Variants in DLX5 observed in about 807,000 individuals in gnomAD.
DLX5 encodes distal-less homeobox 5.
In DLX5, 8 loss-of-function variants were observed where a neutral mutation model predicts 27.1. The ratio of observed to expected loss-of-function variants is 0.30; its 90% CI spans 0.17 to 0.53. DLX5 has a LOEUF of 0.53. DLX5 is among the 20% of genes least tolerant of loss of function. The pLI is 0.95. For synonymous variants in DLX5, 178 were observed against 161.9 expected (o/e 1.10, Z -0.75); for missense variants, 339 against 375.1 (o/e 0.90, Z 0.80).
intron 1 of DLX5, among the ~76,000 whole-genome samples, chr7:97,023,851 G>A (rs959294388): frequency 6.7e-6 from 1 of 149,780 alleles, no homozygotes; most frequent in African/African-American, 2.5e-5. Flanking sequence ...GAGTTTTTGA[G>A]GCAGCCTTCT....
chr7:97,021,653 A>G (rs1445770457), intron 2 of DLX5, among the ~76,000 whole-genome samples: 1 of 152,146 alleles, frequency 6.6e-6, no homozygotes, highest in African/African-American at 2.4e-5. Context: ...GGGACAATCC[A>G]GGAAGACTTC....
rs1159460574 is a variant in DLX5 at position 97,020,810 on chromosome 7, A to G, written c.796T>C (p.Ser266Pro). 5.0e-6 allele frequency: 8 copies of G among 1,612,960 alleles called. No individual in the cohort carries two copies. The highest frequency in any genetic ancestry group is 5.9e-6 in the Non-Finnish European group (7 of 1,179,204). The change falls in exon 3 of 3, where the codon TCA (serine) becomes CCA (proline). Residue 266 changes from serine (S) to proline (P), a missense_variant. This residue lies in a region of DLX5 where 136 missense variants were observed against 130.3 expected (regional missense o/e 1.04). Transcript: ENST00000648378. The stretch of plus-strand genomic sequence containing the variant: ...GGCGGCGGCAGGTGGGAATTGATTG[A>G]GCTGGCTGCACTTGTGTACCAGGAT... ...SASWYTSAAS[S>P]INSHLPPPGS... is the part of the protein sequence containing the mutation.
chr7:97,024,710 A>C lies in DLX5; in HGVS notation c.-87T>G. 1.7e-6 allele frequency: 2 copies of C among 1,176,228 alleles called. No individual in the cohort carries two copies. The highest frequency in any genetic ancestry group is 3.1e-5 in the African/African-American group (2 of 65,400). The allele number at this position is 1,176,228 out of a possible 1,614,324, so 72.9% of individuals were successfully genotyped here. ...GCTGTGGGGCTGCTCTGGTCTAAGC[A>C]GACATGGCTGTGGGAGCGAGGGAGG... is the stretch of plus-strand genomic sequence containing the variant. On this transcript the variant is annotated 5_prime_UTR_variant, in exon 1 of 3. Coordinates refer to ENST00000648378, the MANE Select transcript of DLX5 (RefSeq NM_005221.6). This position sits in a 1 kb window ranked among gnomAD's most constrained non-coding sequence, Gnocchi z 4.6.
chr7:97,024,775 C>A lies in DLX5; in HGVS notation c.-152G>T. 1.5e-6 allele frequency: 1 copy of A among 673,642 alleles called. No homozygotes were observed. The highest frequency in any genetic ancestry group is 2.7e-5 in the East Asian group (1 of 36,750). The allele number at this position is 673,642 out of a possible 1,614,324, so 41.7% of individuals were successfully genotyped here. ...GAGGAGAGAAGGAGGAGGCGGCGGC[C>A]GCGGCGAGGAGGAGACTGGGAGTCG... On this transcript the variant is annotated 5_prime_UTR_variant, in exon 1 of 3. Coordinates refer to ENST00000648378, the MANE Select transcript of DLX5 (RefSeq NM_005221.6). This position sits in a 1 kb window ranked among gnomAD's most constrained non-coding sequence, Gnocchi z 4.6.
chr7:97,020,958 G>A lies in DLX5; in HGVS notation c.648C>T (p.Asn216=). The change falls in exon 3 of 3, where the codon AAC becomes AAT. Residue 216 remains asparagine (N), a synonymous_variant. Transcript: ENST00000648378. ...CCCACACCGCTGGAGACTGCGGCGA[G>A]TTACACGCCATTGGGTCGCTGGAGC... ...SPSSSDPMAC[N]SPQSPAVWEP... 1.2e-6 allele frequency: 2 copies of A among 1,613,992 alleles called. No homozygotes were observed. The highest frequency in any genetic ancestry group is 1.7e-6 in the Non-Finnish European group (2 of 1,180,056).
rs1790030279 is a variant in DLX5, at chr7:97,020,815, G to C, written c.791C>G (p.Ala264Gly). 16 of 1,613,900 alleles carry C rather than the reference G, an allele frequency of 9.9e-6. No individual in the cohort carries two copies. The highest frequency in any genetic ancestry group is 1.2e-5 in the Non-Finnish European group (14 of 1,179,808). The change falls in exon 3 of 3, where the codon GCC becomes GGC. Residue 264 changes from alanine to glycine, a missense_variant. Physicochemically the swap from Ala to Gly is moderately conservative, Grantham distance 60. This residue lies in a region of DLX5 where 136 missense variants were observed against 130.3 expected (regional missense o/e 1.04). Coordinates refer to ENST00000648378, the MANE Select transcript of DLX5 (RefSeq NM_005221.6). ...CGGCAGGTGGGAATTGATTGAGCTGGCTGCACTTGTGTACCAGGATGCAGA... is the reference window on the plus strand; with the variant it reads ...CGGCAGGTGGGAATTGATTGAGCTGCCTGCACTTGTGTACCAGGATGCAGA... ...ENSASWYTSA[A>G]SSINSHLPPP...
rs1790030952 is a variant in DLX5, at chr7:97,020,826, G to C, written c.780C>G (p.Tyr260Ter). 1 of 1,613,868 alleles carries C rather than the reference G, an allele frequency of 6.2e-7. No individual in the cohort carries two copies. The highest frequency in any genetic ancestry group is 8.5e-7 in the Non-Finnish European group (1 of 1,179,936). The change falls in exon 3 of 3, where the codon TAC becomes TAG. Residue 260 changes from tyrosine (Y) to a stop codon, truncating the protein, a stop_gained. Coordinates refer to ENST00000648378, the MANE Select transcript of DLX5 (RefSeq NM_005221.6). LOFTEE classifies it high-confidence loss of function. The stretch of plus-strand genomic sequence containing the variant: ...AATTGATTGAGCTGGCTGCACTTGT[G>C]TACCAGGATGCAGAGTTCTCCAGGT... ...SSYLENSASW[Y>*]TSAASSINSH... is the part of the protein sequence containing the mutation.
chr7:97,023,422 C>A (rs1302993974), intron 1 of DLX5, among the ~76,000 whole-genome samples: 2 of 151,340 alleles, frequency 1.3e-5, no homozygotes, highest in Non-Finnish European at 2.9e-5. Context: ...GGTCTCAATT[C>A]TGCCAGAGTA....
chr7:97,022,024 G>A, intron 2 of DLX5, 161 bp downstream of exon 2: 1 of 808,086 alleles, frequency 1.2e-6, no homozygotes, highest in South Asian at 1.6e-5. Context: ...ACCGTCTCAA[G>A]GCCTGACTCA....
rs533894373 is a variant in DLX5 at position 97,020,985 on chromosome 7, G to C, written c.621C>G (p.Pro207=). The change falls in exon 3 of 3, where the codon CCC becomes CCG. Residue 207 remains proline (P), a synonymous_variant. Coordinates refer to ENST00000648378, the MANE Select transcript of DLX5 (RefSeq NM_005221.6). ...TACACGCCATTGGGTCGCTGGAGCT[G>C]GGACTGTGCTCCGGGGGCATCTCCC... ...KNGEMPPEHS[P]SSSDPMACNS... 17 of 1,613,844 alleles carry C rather than the reference G, an allele frequency of 1.1e-5. No individual in the cohort carries two copies. The highest frequency in any genetic ancestry group is 2.7e-5 in the African/African-American group (2 of 75,068).
At chr7:97,023,235 G>T (rs3823753) in intron 1 of DLX5, among the ~76,000 whole-genome samples, 38,823 of 151,482 alleles carry the variant, frequency 0.26, 6,106 homozygotes, top group South Asian at 0.35. Flanking sequence ...GGGCGGGAGG[G>T]GGAGGGATTG....
At chr7:97,022,524 T>C (rs535595705) in intron 1 of DLX5, 155 bp from the exon 2 acceptor site, 1 of 985,192 alleles carries the variant, frequency 1.0e-6, no homozygotes, top group Non-Finnish European at 1.2e-6. Flanking sequence ...GCGATAAATA[T>C]GCACCTACCC....
rs1405406449 is a variant in DLX5 at position 97,024,323 on chromosome 7, A to G, written c.301T>C (p.Tyr101His). The G allele has an allele frequency of 6.2e-7, 1 of 1,614,222 alleles. No homozygotes were observed. ...AYADYSYASS[Y>H]HQYGGAYNRV... ...TTGTAGGCGCCGCCGTACTGGTGGT[A>G]GGAGCTAGCGTAGCTATAGTCGGCA... The change falls in exon 1 of 3, where the codon TAC (tyrosine) becomes CAC (histidine). Residue 101 changes from tyrosine to histidine, a missense_variant. Tyr to His is a moderately conservative substitution (Grantham distance 83). This residue lies in a region of DLX5 where 188 missense variants were observed against 206.1 expected (regional missense o/e 0.91). Transcript: ENST00000648378. This position sits in a 1 kb window ranked among gnomAD's most constrained non-coding sequence, Gnocchi z 4.6.
At chr7:97,023,928 A>G (rs1790130119) in intron 1 of DLX5, among the ~76,000 whole-genome samples, 1 of 151,960 alleles carries the variant, frequency 6.6e-6, no homozygotes, top group Middle Eastern at 3.4e-3. Context: ...TGTTACGCAA[A>G]CGCCAGGAGC....
chr7:97,024,217 C>T lies in DLX5; in HGVS notation c.355+52G>A. ...CCAATCTACCACCCCATCTCGCGCC[C>T]CCAGCGTCCTAGTCGCCCTGTATCT... On this transcript the variant is annotated intron_variant, in intron 1 of 2. Coordinates refer to ENST00000648378, the MANE Select transcript of DLX5 (RefSeq NM_005221.6). The surrounding 1 kb of genome is among the most constrained non-coding windows in gnomAD (Gnocchi z 4.6). 3 of 1,541,970 alleles carry T rather than the reference C, an allele frequency of 1.9e-6. No individual in the cohort carries two copies. Among genetic ancestry groups the T allele is most frequent in the Non-Finnish European group, 2.6e-6 (3 of 1,140,720 alleles).
chr7:97,020,599 T>TGCAA lies in DLX5; in HGVS notation c.*136_*137insTTGC, dbSNP rs1347106241. ...GGGGGGTCTTTTGAAATGCAATAAC[T>TGCAA]TACATGCAAAAAAAAGCTTTACACA... On this transcript the variant is annotated 3_prime_UTR_variant, in exon 3 of 3. Transcript: ENST00000648378. 4 of 917,812 alleles carry TGCAA rather than the reference T, an allele frequency of 4.4e-6. No homozygotes were observed. Among genetic ancestry groups the TGCAA allele is most frequent in the Admixed American group, 7.0e-5 (2 of 28,664 alleles). 56.9% of individuals were successfully genotyped at this position (917,812 alleles called of 1,614,324 possible).
intron 1 of DLX5, among the ~76,000 whole-genome samples, chr7:97,022,883 T>C (rs2115913534): frequency 6.6e-6 from 1 of 152,286 alleles, no homozygotes; most frequent in East Asian, 1.9e-4. Context: ...ACAAGCAAAC[T>C]GCTCCTTCAC....
chr7:97,023,609 G>T (rs1284412134), intron 1 of DLX5, among the ~76,000 whole-genome samples: 1 of 151,980 alleles, frequency 6.6e-6, no homozygotes, highest in Non-Finnish European at 1.5e-5. Flanking sequence ...AAGACAAATT[G>T]TGGGCGCCTA....
Position 97,022,353 on chromosome 7 carries a change from C to T in DLX5, c.372G>A (p.Glu124=). 6.2e-7 allele frequency: 1 copy of T among 1,614,054 alleles called. No homozygotes were observed. ...TGCCATTCACCATTCTCACCTCGGG[C>T]TCGGTCACTTCTTTCTCTAAATAAT... ...ATNQPEKEVT[E]PEVRMVNGKP... The change falls in exon 2 of 3, where the codon GAG becomes GAA. Residue 124 remains glutamate, a synonymous_variant. Transcript: ENST00000648378.
Sources: gnomAD v4.1 joint callset for allele counts (sites outside exome capture counted in the v4.1 genomes callset) on GRCh38, gnomAD v4.1.1 for gene constraint, gnomAD v4.1.1 regional missense constraint, Gnocchi (gnomAD v3.1) non-coding constraint, MANE v1.5 for transcripts, NCBI Gene and HGNC (gene_info 2026-07-23, HGNC 2026-07-21) for gene names.